Variants in ZC3H8 observed in about 807,000 individuals in gnomAD.
The protein encoded by ZC3H8 is zinc finger CCCH domain-containing protein 8.
ZC3H8 carries 27 observed loss-of-function variants against 42.5 expected under a neutral mutation model. The ratio of observed to expected loss-of-function variants is 0.64; its 90% CI spans 0.47 to 0.88. The LOEUF (loss-of-function observed/expected upper bound fraction) is 0.88, where lower values mean the gene tolerates loss of function less well. ZC3H8 is among the 40% of genes least tolerant of loss of function. The pLI is 0.00. For missense variants in ZC3H8, 277 were observed against 336.1 expected (o/e 0.82, Z 1.37); for synonymous variants, 101 against 110.1 (o/e 0.92, Z 0.52).
chr2:112,242,665 A>AGTAGTG (rs1256720418), intron 2 of ZC3H8, among the ~76,000 whole-genome samples: 1 of 152,264 alleles, frequency 6.6e-6, no homozygotes, highest in Non-Finnish European at 1.5e-5. Context: ...ATGTAACAAT[A>AGTAGTG]CTACAGTAGT....
intron 2 of ZC3H8, among the ~76,000 whole-genome samples, chr2:112,246,691 T>C (rs1685777084): frequency 6.6e-6 from 1 of 152,252 alleles, no homozygotes; most frequent in South Asian, 2.1e-4. Context: ...ATGTGGTTTC[T>C]TGAGATGCAA....
At chr2:112,247,292 T>C (rs1279267612) in intron 2 of ZC3H8, among the ~76,000 whole-genome samples, 1 of 152,182 alleles carries the variant, frequency 6.6e-6, no homozygotes, top group African/African-American at 2.4e-5. Context: ...AAATAAGCTA[T>C]AGCCAGCCAT....
At chr2:112,254,795 G>T (rs751473610) in intron 1 of ZC3H8, 113 bp downstream of exon 1, 51 of 1,270,094 alleles carry the variant, frequency 4.0e-5, no homozygotes, top group African/African-American at 3.2e-4. Flanking sequence ...CTCCCCACGG[G>T]CCCTCGCGAC....
Position 112,238,406 on chromosome 2 carries a change from C to CA in ZC3H8, c.278_279insT (p.Glu93AspfsTer18). Reference sequence around the variant, plus strand: ...CTCTGGCTTGTATGTACTGTTGAAGCTCTTTGGCAAAATTATCTTCTGATT... The same window carrying CA: ...CTCTGGCTTGTATGTACTGTTGAAGCATCTTTGGCAAAATTATCTTCTGATT... On this transcript the variant is annotated frameshift_variant, in exon 3 of 9. Coordinates refer to ENST00000409573, the MANE Select transcript of ZC3H8 (RefSeq NM_032494.3). LOFTEE classifies it high-confidence loss of function. 6.2e-7 allele frequency: 1 copy of CA among 1,613,670 alleles called. No homozygotes were observed. Among genetic ancestry groups the CA allele is most frequent in the African/African-American group, 1.3e-5 (1 of 75,040 alleles).
chr2:112,222,309 T>C (rs1234386838), intron 8 of ZC3H8, among the ~76,000 whole-genome samples: 1 of 152,162 alleles, frequency 6.6e-6, no homozygotes, highest in Non-Finnish European at 1.5e-5. Flanking sequence ...TGCACCTGCC[T>C]GCAGAGTTCA....
chr2:112,245,413 G>C (rs547735929), intron 2 of ZC3H8, among the ~76,000 whole-genome samples: 3 of 152,214 alleles, frequency 2.0e-5, no homozygotes, highest in Non-Finnish European at 4.4e-5. Flanking sequence ...CAGCACTTTG[G>C]GAGGCCGAGG....
At chr2:112,244,086 A>G (rs974632129) in intron 2 of ZC3H8, among the ~76,000 whole-genome samples, 5 of 149,710 alleles carry the variant, frequency 3.3e-5, no homozygotes, top group Non-Finnish European at 7.4e-5. Flanking sequence ...TCACCACAAT[A>G]GCACTAAGCA....
Position 112,231,954 on chromosome 2 carries a change from CAA to C in ZC3H8, c.734-9_734-8del. The C allele has an allele frequency of 6.9e-7, 1 of 1,459,480 alleles. No individual in the cohort carries two copies. The highest frequency in any genetic ancestry group is 1.8e-5 in the Admixed American group (1 of 54,470). 90.4% of individuals were successfully genotyped at this position (1,459,480 alleles called of 1,614,324 possible). On this transcript the variant is annotated splice_polypyrimidine_tract_variant and splice_region_variant and intron_variant, in intron 6 of 8. Transcript: ENST00000409573. ...AACTTACAAGGATATTCATGTAACCCAAGTGTTAAGGAAGAGAACAATTTTAA... is the reference window on the plus strand; with the variant it reads ...AACTTACAAGGATATTCATGTAACCCGTGTTAAGGAAGAGAACAATTTTAA...
chr2:112,212,046 CT>C lies in ZC3H8; in HGVS notation c.*4437del, dbSNP rs967057601. On this transcript the variant is annotated 3_prime_UTR_variant, in exon 9 of 9. Coordinates refer to ENST00000409573, the MANE Select transcript of ZC3H8 (RefSeq NM_032494.3). ...AACAAAAATACCACAGACTAGGTGG[CT>C]TAAACAACACTTACTCCTCACAGTT... is the stretch of plus-strand genomic sequence containing the variant. The C allele has an allele frequency of 7.9e-5, 12 of 152,330 alleles. No individual in the cohort carries two copies. Among genetic ancestry groups the C allele is most frequent in the Admixed American group, 2.6e-4 (4 of 15,304 alleles). The allele number at this position is 152,330 out of a possible 1,614,324, so 9.4% of individuals were successfully genotyped here.
chr2:112,238,732 AAACT>A (rs1308770131), intron 2 of ZC3H8: 22 of 440,098 alleles, frequency 5.0e-5, no homozygotes, highest in African/African-American at 3.0e-4. Flanking sequence ...AATTAAAAAC[AAACT>A]AACAAACCAC....
At chr2:112,254,809 GCCCGGACGTGGC>G in intron 1 of ZC3H8, 87 bp downstream of exon 1, 1 of 1,405,648 alleles carries the variant, frequency 7.1e-7, no homozygotes, top group Non-Finnish European at 9.6e-7. Flanking sequence ...TCGCGACGCG[GCCCGGACGTGGC>G]CCCGGACTGC....
chr2:112,229,691 ACTT>A (rs1264481824), intron 8 of ZC3H8, among the ~76,000 whole-genome samples: 2 of 152,140 alleles, frequency 1.3e-5, no homozygotes, highest in African/African-American at 4.8e-5. Flanking sequence ...AAAAATAAGC[ACTT>A]TGTGTTATTC....
intron 2 of ZC3H8, among the ~76,000 whole-genome samples, chr2:112,249,004 G>A (rs1468554635): frequency 1.3e-5 from 2 of 152,052 alleles, no homozygotes; most frequent in Non-Finnish European, 2.9e-5. Context: ...AGACCAGCCT[G>A]GGCAACATGG....
At chr2:112,220,022 TA>T (rs1332572936) in intron 8 of ZC3H8, among the ~76,000 whole-genome samples, 7 of 152,254 alleles carry the variant, frequency 4.6e-5, no homozygotes, top group Non-Finnish European at 8.8e-5. Context: ...TCCGTTCCTT[TA>T]CTTTGAGCCT....
In ZC3H8 at chr2:112,221,800, T is replaced by C. The variant is rs186034621; in HGVS notation, c.*16-5332A>G. ...TAATCCTTAGATTTCTTGGATTGGG[T>C]TGACTATCTCCTGTATGTCATTGAT... is the stretch of plus-strand genomic sequence containing the variant. On this transcript the variant is annotated intron_variant, in intron 8 of 8. Transcript: ENST00000409573. Among the ~76,000 whole-genome samples the C allele has an allele frequency of 6.6e-5, 10 of 152,288 alleles. No individual in the cohort carries two copies. The East Asian group carries it at 9.7e-4, about 15-fold the overall frequency.
intron 8 of ZC3H8, among the ~76,000 whole-genome samples, chr2:112,224,347 T>TAAAAC (rs1230716209): frequency 1.3e-5 from 2 of 152,136 alleles, no homozygotes; most frequent in African/African-American, 4.8e-5. Flanking sequence ...TTCCTGATTA[T>TAAAAC]AAAACAAAGA....
At chr2:112,239,378 G>A (rs1184947819) in intron 2 of ZC3H8, among the ~76,000 whole-genome samples, 1 of 152,018 alleles carries the variant, frequency 6.6e-6, no homozygotes, top group Non-Finnish European at 1.5e-5. Flanking sequence ...GTATCAAAGG[G>A]CTCCTATTCT....
At chr2:112,234,060 G>A (rs1473806215) in intron 5 of ZC3H8, 60 bp downstream of exon 5, 3 of 971,364 alleles carry the variant, frequency 3.1e-6, no homozygotes, top group South Asian at 3.3e-5. Context: ...AATTAAAAGA[G>A]TATCAAACAG....
At chr2:112,217,371 A>G (rs1481987182) in intron 8 of ZC3H8, among the ~76,000 whole-genome samples, 1 of 152,232 alleles carries the variant, frequency 6.6e-6, no homozygotes, top group Non-Finnish European at 1.5e-5. Context: ...TCAAAAAAAA[A>G]GAAAAGCTAA....
Sources: allele counts gnomAD v4.1 joint callset (sites outside exome capture counted in the v4.1 genomes callset), GRCh38; gene constraint gnomAD v4.1.1; transcripts MANE v1.5; gene names NCBI Gene and HGNC (gene_info 2026-07-23, HGNC 2026-07-21).